The following SNTB2 variants were observed in gnomAD, a reference collection of about 807,000 sequenced individuals.
SNTB2 encodes beta-2-syntrophin.
Under a neutral mutation model 46.2 loss-of-function variants are expected in SNTB2, and 34 were observed. The ratio of observed to expected loss-of-function variants is 0.74; its 90% CI spans 0.56 to 0.98. The LOEUF is 0.98. Among genes scored for constraint, SNTB2 ranks in the 50% least tolerant of loss-of-function variants. SNTB2 has a pLI of 0.00. For missense variants in SNTB2, 603 were observed against 731.4 expected, an observed-to-expected ratio of 0.82 and a Z score of 2.02; for synonymous variants, 290 against 312.6, an observed-to-expected ratio of 0.93 and a Z score of 0.76.
intron 1 of SNTB2, among the ~76,000 whole-genome samples, chr16:69,232,041 C>G (rs1400329645): frequency 6.6e-6 from 1 of 152,058 alleles, no homozygotes; most frequent in African/African-American, 2.4e-5. Flanking sequence ...TTATTTCAGT[C>G]TTGCTTGTTA....
chr16:69,272,958 A>AT (rs1448834909), intron 4 of SNTB2, among the ~76,000 whole-genome samples: 2 of 152,156 alleles, frequency 1.3e-5, no homozygotes, highest in African/African-American at 4.8e-5. Flanking sequence ...AGATATACAA[A>AT]TGGCCAATAG....
chr16:69,199,246 G>T (rs1192310642), intron 1 of SNTB2, among the ~76,000 whole-genome samples: 2 of 152,076 alleles, frequency 1.3e-5, no homozygotes, highest in African/African-American at 4.8e-5. Flanking sequence ...TTGAATCTTA[G>T]TTTGATGATT....
At chr16:69,237,511 G>A (rs759698409) in intron 1 of SNTB2, among the ~76,000 whole-genome samples, 1 of 151,936 alleles carries the variant, frequency 6.6e-6, no homozygotes, top group Non-Finnish European at 1.5e-5. Context: ...CCAAGTCTGG[G>A]TTCATCAGGT....
At chr16:69,210,513 C>T (rs993273140) in intron 1 of SNTB2, among the ~76,000 whole-genome samples, 14 of 150,578 alleles carry the variant, frequency 9.3e-5, no homozygotes, top group African/African-American at 3.4e-4. Context: ...GCTAGGATTA[C>T]AGGCATGAGC....
chr16:69,194,589 A>G (rs1390738694), intron 1 of SNTB2, among the ~76,000 whole-genome samples: 1 of 152,208 alleles, frequency 6.6e-6, no homozygotes, highest in Non-Finnish European at 1.5e-5. Flanking sequence ...TTTGGAGAGA[A>G]CTGATGTCTT....
chr16:69,208,634 G>A (rs1304491865), intron 1 of SNTB2, among the ~76,000 whole-genome samples: 1 of 152,094 alleles, frequency 6.6e-6, no homozygotes, highest in East Asian at 1.9e-4. Flanking sequence ...AATTAAAAAA[G>A]AAAAGCTCTT....
intron 1 of SNTB2, among the ~76,000 whole-genome samples, chr16:69,210,385 G>A (rs772588082): frequency 2.0e-5 from 3 of 151,520 alleles, no homozygotes; most frequent in Non-Finnish European, 4.4e-5. Context: ...TTACAGGCAC[G>A]TGCTGCCATG....
chr16:69,294,068 C>T (rs768277860), intron 5 of SNTB2, among the ~76,000 whole-genome samples: 16 of 152,084 alleles, frequency 1.1e-4, no homozygotes, highest in Non-Finnish European at 2.1e-4. Flanking sequence ...CATTCTGTTG[C>T]CCAGGCTGGA....
Position 69,299,956 on chromosome 16 carries a change from A to T in SNTB2, c.1530+182A>T, listed in dbSNP as rs530318669. 3.9e-5 allele frequency among the ~76,000 whole-genome samples: 6 copies of T among 152,286 alleles called. No individual in the cohort carries two copies. In the East Asian group the frequency reaches 9.7e-4, roughly 24 times the overall value. ...ACCCAGGCTGGAGTGTAGTGGTGCA[A>T]TCATAGCTTCCTGCAGCCTATACCT... On this transcript the variant is annotated intron_variant, in intron 6 of 6. Transcript: ENST00000336278.
At chr16:69,202,479 T>G (rs2152290201) in intron 1 of SNTB2, among the ~76,000 whole-genome samples, 1 of 152,292 alleles carries the variant, frequency 6.6e-6, no homozygotes, top group African/African-American at 2.4e-5. Context: ...CATATCTTAC[T>G]GCAGCCTCCA....
At chr16:69,219,413 G>A (rs1180593090) in intron 1 of SNTB2, among the ~76,000 whole-genome samples, 1 of 152,160 alleles carries the variant, frequency 6.6e-6, no homozygotes, top group Non-Finnish European at 1.5e-5. Flanking sequence ...TCCCTCCAAA[G>A]GCAGAACAAA....
intron 1 of SNTB2, among the ~76,000 whole-genome samples, chr16:69,210,149 A>G (rs1964266653): frequency 6.8e-6 from 1 of 147,928 alleles, no homozygotes; most frequent in Non-Finnish European, 1.5e-5. Flanking sequence ...TCACCCTCCC[A>G]AGTAGTTGGA....
chr16:69,286,271 T>C (rs1306377824), intron 5 of SNTB2, among the ~76,000 whole-genome samples: 3 of 152,138 alleles, frequency 2.0e-5, no homozygotes, highest in African/African-American at 7.2e-5. Flanking sequence ...TAATCTGCAT[T>C]TAGTAGTGTA....
At position 69,247,055 on chromosome 16, in the gene SNTB2, A is replaced by AAT. The variant is rs964175819; in HGVS notation, c.794+1253_794+1254dup. Among the ~76,000 whole-genome samples, 84 of 147,272 alleles carry AAT rather than the reference A, an allele frequency of 5.7e-4. 4 individuals carry two copies. The highest frequency in any genetic ancestry group is 2.0e-4 in the Admixed American group (3 of 14,786). ...CTAAAACTTAAAGTATAATAAAAAA[A>AAT]ATATATATATATATTAAAAAAAAAA... On this transcript the variant is annotated intron_variant, in intron 2 of 6. Coordinates refer to ENST00000336278, the MANE Select transcript of SNTB2 (RefSeq NM_006750.4).
intron 1 of SNTB2, among the ~76,000 whole-genome samples, chr16:69,228,638 A>G (rs1318226330): frequency 6.6e-6 from 1 of 152,060 alleles, no homozygotes; most frequent in African/African-American, 2.4e-5. Context: ...TCAGTTTCAC[A>G]TATTTGACTC....
intron 4 of SNTB2, among the ~76,000 whole-genome samples, chr16:69,281,485 GTTT>G (rs575825315): frequency 7.4e-6 from 1 of 135,826 alleles, no homozygotes; most frequent in Non-Finnish European, 1.6e-5. Flanking sequence ...GTAAGGTCTG[GTTT>G]TTTTTTTTTT....
chr16:69,293,581 A>T (rs1965195019), intron 5 of SNTB2, among the ~76,000 whole-genome samples: 1 of 152,148 alleles, frequency 6.6e-6, no homozygotes, highest in Non-Finnish European at 1.5e-5. Flanking sequence ...CAGCTCTTTC[A>T]AGAAGTTTTG....
intron 4 of SNTB2, among the ~76,000 whole-genome samples, chr16:69,283,767 T>C (rs1454409909): frequency 6.6e-6 from 1 of 152,098 alleles, no homozygotes; most frequent in South Asian, 2.1e-4. Context: ...CAGGCCCAGA[T>C]GCTCACGCCT....
chr16:69,197,698 T>C (rs1022378138), intron 1 of SNTB2, among the ~76,000 whole-genome samples: 6 of 152,240 alleles, frequency 3.9e-5, no homozygotes, highest in Non-Finnish European at 1.5e-5. Flanking sequence ...AGTAAATCTT[T>C]GCCCAAATGA....
Sources: allele counts gnomAD v4.1 joint callset (sites outside exome capture counted in the v4.1 genomes callset), GRCh38; gene constraint gnomAD v4.1.1; transcripts MANE v1.5; gene names NCBI Gene and HGNC (gene_info 2026-07-23, HGNC 2026-07-21).